Variants in PGCKA1 observed in about 807,000 individuals in gnomAD.
The protein encoded by PGCKA1 is PDCD10 and GCKIII kinases-associated protein 1.
the PGCKA1 span, among the ~76,000 whole-genome samples, chr4:37,509,988 A>G: frequency 5.5e-5 from 6 of 110,066 alleles, no homozygotes; most frequent in South Asian, 3.4e-4. Flanking sequence ...GGAGAGGGAG[A>G]GGGAGGGGGA....
the PGCKA1 span, among the ~76,000 whole-genome samples, chr4:37,499,509 C>G: frequency 1.1e-4 from 17 of 152,206 alleles, no homozygotes; most frequent in African/African-American, 3.6e-4. Context: ...TTAAGGGATT[C>G]AATTTCTTCC....
At chr4:37,516,777 A>T in the PGCKA1 span, among the ~76,000 whole-genome samples, 1 of 152,222 alleles carries the variant, frequency 6.6e-6, no homozygotes, top group Non-Finnish European at 1.5e-5. Context: ...GATATACTTA[A>T]CAGATCATTA....
the PGCKA1 span, among the ~76,000 whole-genome samples, chr4:37,544,266 A>G: frequency 6.6e-6 from 1 of 152,240 alleles, no homozygotes; most frequent in Admixed American, 6.5e-5. Context: ...CTGGGAGGCT[A>G]CTGGATCTTT....
the PGCKA1 span, among the ~76,000 whole-genome samples, chr4:37,485,311 C>A: frequency 0.062 from 9,414 of 152,188 alleles, 368 homozygotes; most frequent in Middle Eastern, 0.088. Flanking sequence ...GAGGTGGGGC[C>A]TTTAGGAAGT....
the PGCKA1 span, among the ~76,000 whole-genome samples, chr4:37,527,578 G>A: frequency 2.8e-4 from 43 of 152,010 alleles, no homozygotes; most frequent in African/African-American, 9.4e-4. Flanking sequence ...CCAGCACTTT[G>A]GGAGGCCGAG....
chr4:37,502,070 T>TC, the PGCKA1 span, among the ~76,000 whole-genome samples: 2 of 152,174 alleles, frequency 1.3e-5, no homozygotes, highest in Admixed American at 6.5e-5. Context: ...CTCTGGCTCC[T>TC]CAACATTAGG....
the PGCKA1 span, among the ~76,000 whole-genome samples, chr4:37,502,544 C>G: frequency 2.6e-5 from 4 of 152,106 alleles, no homozygotes; most frequent in Admixed American, 2.6e-4. Context: ...CTGTGCTCAC[C>G]AAGGCTCTAA....
chr4:37,466,256 A>G, the PGCKA1 span, among the ~76,000 whole-genome samples: 1 of 152,196 alleles, frequency 6.6e-6, no homozygotes, highest in African/African-American at 2.4e-5. Context: ...TTATATTTAT[A>G]TTTTGAAATA....
chr4:37,590,920 G>A, the PGCKA1 span: 1 of 1,614,246 alleles, frequency 6.2e-7, no homozygotes, highest in Non-Finnish European at 8.5e-7. Context: ...GGAGATTGTG[G>A]ACGAGGATGC....
the PGCKA1 span, among the ~76,000 whole-genome samples, chr4:37,501,204 G>A: frequency 6.6e-6 from 1 of 152,052 alleles, no homozygotes; most frequent in East Asian, 1.9e-4. Context: ...TTGCTTTATA[G>A]CAGGGGTCCC....
chr4:37,540,530 T>C, the PGCKA1 span, among the ~76,000 whole-genome samples: 306 of 152,142 alleles, frequency 2.0e-3, 2 homozygotes, highest in African/African-American at 7.1e-3. Flanking sequence ...GTTTCTTTGG[T>C]TTAAATTACA....
chr4:37,503,106 C>T, the PGCKA1 span, among the ~76,000 whole-genome samples: 1 of 152,162 alleles, frequency 6.6e-6, no homozygotes, highest in Non-Finnish European at 1.5e-5. Flanking sequence ...CTGCCCCTAC[C>T]ACTTCTCTTA....
chr4:37,463,323 T>C, the PGCKA1 span, among the ~76,000 whole-genome samples: 1 of 152,216 alleles, frequency 6.6e-6, no homozygotes, highest in Non-Finnish European at 1.5e-5. Context: ...ACGCATTTAA[T>C]GCTATAGTCA....
At chr4:37,491,295 G>A in the PGCKA1 span, among the ~76,000 whole-genome samples, 1 of 152,062 alleles carries the variant, frequency 6.6e-6, no homozygotes, top group South Asian at 2.1e-4. Flanking sequence ...CCACACCACA[G>A]GCAGTTAATT....
chr4:37,571,199 G>A, the PGCKA1 span, among the ~76,000 whole-genome samples: 2 of 152,110 alleles, frequency 1.3e-5, no homozygotes, highest in Admixed American at 6.5e-5. Context: ...ACAGCCTGAA[G>A]ACAGGAACCA....
At chr4:37,510,806 AGGCACAATGTG>A in the PGCKA1 span, among the ~76,000 whole-genome samples, 9 of 152,016 alleles carry the variant, frequency 5.9e-5, no homozygotes, top group Non-Finnish European at 1.2e-4. Context: ...AAGTTCCCCT[AGGCACAATGTG>A]GGTCCAGAGT....
chr4:37,581,648 T>A, the PGCKA1 span, among the ~76,000 whole-genome samples: 25 of 152,170 alleles, frequency 1.6e-4, no homozygotes, highest in Non-Finnish European at 2.5e-4. The surrounding 1 kb of genome is among the most constrained non-coding windows in gnomAD (Gnocchi z 4.4). Context: ...CTCTTCCCTG[T>A]CTTTTCCTCA....
chr4:37,541,794 C>T, the PGCKA1 span, among the ~76,000 whole-genome samples: 1 of 152,032 alleles, frequency 6.6e-6, no homozygotes, highest in African/African-American at 2.4e-5. Context: ...CTATTAACCT[C>T]AATAGGGAAG....
At chr4:37,476,350 A>G in the PGCKA1 span, among the ~76,000 whole-genome samples, 6 of 152,346 alleles carry the variant, frequency 3.9e-5, no homozygotes, top group Non-Finnish European at 7.3e-5. Flanking sequence ...CTATAGTCAC[A>G]GAAATCACTT....
Sources: allele counts gnomAD v4.1 joint callset (sites outside exome capture counted in the v4.1 genomes callset), GRCh38; gene constraint gnomAD v4.1.1; non-coding constraint Gnocchi (gnomAD v3.1); transcripts MANE v1.5; gene names NCBI Gene and HGNC (gene_info 2026-07-23, HGNC 2026-07-21).